The following ICA1 variants were observed in gnomAD, a reference collection of about 807,000 sequenced individuals.
ICA1 encodes 69 kDa islet cell autoantigen.
ICA1 carries 40 observed loss-of-function variants against 71.0 expected under a neutral mutation model. That is an observed-to-expected ratio of 0.56 (90% CI 0.44 to 0.73). ICA1 has a LOEUF of 0.73. Ranked by LOEUF, ICA1 falls within the 30% of genes least tolerant of loss-of-function variation. The pLI is 0.00. For synonymous variants in ICA1, 207 were observed against 209.5 expected (o/e 0.99, Z 0.10); for missense variants, 578 against 576.5 (o/e 1.00, Z -0.03).
Position 8,173,572 on chromosome 7 carries a change from C to T in ICA1, c.580-14920G>A, listed in dbSNP as rs888682084. 7.2e-5 allele frequency among the ~76,000 whole-genome samples: 11 copies of T among 152,218 alleles called. No individual in the cohort carries two copies. Among genetic ancestry groups the T allele is most frequent in the African/African-American group, 2.7e-4 (11 of 41,460 alleles). Reference sequence around the variant, plus strand: ...ATATCCTATCAAACTGTCTGTGCTTCAGGACGACCGGATAATTGACAAGGG... The same window carrying T: ...ATATCCTATCAAACTGTCTGTGCTTTAGGACGACCGGATAATTGACAAGGG... On this transcript the variant is annotated intron_variant, in intron 6 of 13. Coordinates refer to ENST00000402384, the MANE Select transcript of ICA1 (RefSeq NM_001136020.3). This position sits in a 1 kb window ranked among gnomAD's most constrained non-coding sequence, Gnocchi z 4.0.
rs554378277 is a variant in ICA1, at chr7:8,114,223, A to G, written c.1331-179T>C. On this transcript the variant is annotated intron_variant, in intron 13 of 13. Transcript: ENST00000402384. Reference sequence around the variant, plus strand: ...ACTCCCGTGGCTGGTTGGCCAGTTAACATTTCCAAACCAGGGCCTGAAGCT... The same window carrying G: ...ACTCCCGTGGCTGGTTGGCCAGTTAGCATTTCCAAACCAGGGCCTGAAGCT... 3 of 629,718 alleles carry G rather than the reference A, an allele frequency of 4.8e-6. No homozygotes were observed. The South Asian group carries it at 5.8e-5, about 12-fold the overall frequency. 39.0% of individuals were successfully genotyped at this position (629,718 alleles called of 1,614,324 possible).
At chr7:8,204,718 G>A (rs903589216) in intron 6 of ICA1, among the ~76,000 whole-genome samples, 30 of 152,084 alleles carry the variant, frequency 2.0e-4, no homozygotes, top group African/African-American at 7.0e-4. Flanking sequence ...TTTGACTTTT[G>A]CACAACTCAT....
intron 6 of ICA1, among the ~76,000 whole-genome samples, chr7:8,163,952 C>A (rs1216170946): frequency 6.6e-6 from 1 of 152,022 alleles, no homozygotes; most frequent in African/African-American, 2.4e-5. Context: ...ATCCTATTTT[C>A]AGTTTGAAAG....
At chr7:8,124,670 T>G (rs1414054358) in intron 13 of ICA1, among the ~76,000 whole-genome samples, 1 of 152,210 alleles carries the variant, frequency 6.6e-6, no homozygotes, top group African/African-American at 2.4e-5. Flanking sequence ...ATGGTCTGCT[T>G]GTTTCAACCA....
chr7:8,217,237 A>C (rs573244105), intron 6 of ICA1, among the ~76,000 whole-genome samples: 68 of 152,330 alleles, frequency 4.5e-4, no homozygotes, highest in African/African-American at 1.6e-3. Flanking sequence ...TCAGAAATAA[A>C]ATGGACCCTG....
chr7:8,233,774 C>CACAATAAAATA (rs1422484319), intron 2 of ICA1, among the ~76,000 whole-genome samples: 1 of 152,042 alleles, frequency 6.6e-6, no homozygotes, highest in East Asian at 1.9e-4. Context: ...CTGTTCTTAC[C>CACAATAAAATA]ACAATAAAAT....
intron 8 of ICA1, among the ~76,000 whole-genome samples, chr7:8,149,317 G>A (rs747313557): frequency 6.6e-5 from 10 of 152,222 alleles, no homozygotes; most frequent in Non-Finnish European, 1.3e-4. Flanking sequence ...AGTCATACAA[G>A]ACTGAAAGTT....
At chr7:8,178,334 C>G (rs549618101) in intron 6 of ICA1, among the ~76,000 whole-genome samples, 1 of 152,288 alleles carries the variant, frequency 6.6e-6, no homozygotes, top group East Asian at 1.9e-4. Context: ...TATTACCTCA[C>G]AAGACACTTA....
intron 6 of ICA1, among the ~76,000 whole-genome samples, chr7:8,184,362 C>T (rs976825902): frequency 9.2e-5 from 14 of 152,166 alleles, no homozygotes; most frequent in African/African-American, 3.4e-4. Context: ...CTGCCTTTTG[C>T]TCCAGCTGTA....
Position 8,233,933 on chromosome 7 carries a change from T to C in ICA1, c.18-1178A>G, listed in dbSNP as rs556173615. Among the ~76,000 whole-genome samples the C allele has an allele frequency of 2.6e-5, 4 of 152,288 alleles. No individual in the cohort carries two copies. In the South Asian group the frequency reaches 6.2e-4, roughly 24 times the overall value. On this transcript the variant is annotated intron_variant, in intron 2 of 13. Coordinates refer to ENST00000402384, the MANE Select transcript of ICA1 (RefSeq NM_001136020.3). ...ATCAAAAAGTATGTGGAGAAAAAAT[T>C]AGAAACTGGCCGGGCATGGTGGCTC...
At chr7:8,249,568 C>G (rs2128520164) in intron 1 of ICA1, among the ~76,000 whole-genome samples, 1 of 152,304 alleles carries the variant, frequency 6.6e-6, no homozygotes, top group Non-Finnish European at 1.5e-5. Context: ...AGTTTTTGGA[C>G]TATCCATCAC....
In ICA1 at chr7:8,144,610, C is replaced by G. The variant is rs1796268745; in HGVS notation, c.805-638G>C. ...TTTGGCACATCATTTGTTGGAGTTA[C>G]TATTTTCAAGGTTAACTAAATATTT... On this transcript the variant is annotated intron_variant, in intron 8 of 13. Coordinates refer to ENST00000402384, the MANE Select transcript of ICA1 (RefSeq NM_001136020.3). The surrounding 1 kb of genome is among the most constrained non-coding windows in gnomAD (Gnocchi z 4.5). Among the ~76,000 whole-genome samples, 1 of 149,012 alleles carries G rather than the reference C, an allele frequency of 6.7e-6. No individual in the cohort carries two copies. The highest frequency in any genetic ancestry group is 1.5e-5 in the Non-Finnish European group (1 of 67,540).
chr7:8,136,786 G>T (rs1186905347), intron 12 of ICA1, among the ~76,000 whole-genome samples: 1 of 152,192 alleles, frequency 6.6e-6, no homozygotes, highest in African/African-American at 2.4e-5. Context: ...GCTCAAAAAA[G>T]GGGGTATGGA....
rs112801426 is a variant in ICA1, at chr7:8,151,455, A to G, written c.804+5661T>C. On this transcript the variant is annotated intron_variant, in intron 8 of 13. Transcript: ENST00000402384. ...GATGCATCCCAATTTTCTGTTTCCA[A>G]TGATCTGGCCTGGAGCAGCTTGGGA... is the stretch of plus-strand genomic sequence containing the variant. Among the ~76,000 whole-genome samples, 289 of 152,264 alleles carry G rather than the reference A, an allele frequency of 1.9e-3. 1 individual carries two copies. Among genetic ancestry groups the G allele is most frequent in the African/African-American group, 6.7e-3 (278 of 41,546 alleles).
At chr7:8,259,597 T>C (rs1016764977) in intron 1 of ICA1, among the ~76,000 whole-genome samples, 6 of 152,252 alleles carry the variant, frequency 3.9e-5, no homozygotes, top group African/African-American at 9.6e-5. Context: ...GCAAAGCATT[T>C]TATATACATT....
At chr7:8,117,938 T>C (rs1785302676) in intron 13 of ICA1, among the ~76,000 whole-genome samples, 1 of 152,232 alleles carries the variant, frequency 6.6e-6, no homozygotes, top group Admixed American at 6.5e-5. Context: ...CACTTTCATC[T>C]CATTTCCTAG....
chr7:8,183,415 C>T (rs1429386425), intron 6 of ICA1, among the ~76,000 whole-genome samples: 5 of 152,194 alleles, frequency 3.3e-5, no homozygotes, highest in African/African-American at 1.2e-4. Flanking sequence ...AAGAGATACA[C>T]ACATACTGAT....
At chr7:8,152,793 ACCT>A (rs1164502390) in intron 8 of ICA1, among the ~76,000 whole-genome samples, 13,749 of 114,306 alleles carry the variant, frequency 0.12, 79 homozygotes, top group Middle Eastern at 0.17. Flanking sequence ...CATCACCATC[ACCT>A]CCACCACCAC....
intron 1 of ICA1, chr7:8,236,786 G>A (rs1801975499): frequency 6.6e-6 from 1 of 152,456 alleles, no homozygotes; most frequent in Admixed American, 6.5e-5. Context: ...GGGCCCACCA[G>A]CCCAGCCACA....
Sources: allele counts gnomAD v4.1 joint callset (sites outside exome capture counted in the v4.1 genomes callset), GRCh38; gene constraint gnomAD v4.1.1; non-coding constraint Gnocchi (gnomAD v3.1); transcripts MANE v1.5; gene names NCBI Gene and HGNC (gene_info 2026-07-23, HGNC 2026-07-21).